The following SLC13A3 variants were observed in gnomAD, a reference collection of about 807,000 sequenced individuals.
The protein encoded by SLC13A3 is solute carrier family 13 member 3.
In SLC13A3, 40 loss-of-function variants were observed where a neutral mutation model predicts 59.0. That is an observed-to-expected ratio of 0.68 (90% confidence interval 0.53 to 0.88). The LOEUF (loss-of-function observed/expected upper bound fraction) is 0.88. Ranked by LOEUF, SLC13A3 falls within the 40% of genes least tolerant of loss-of-function variation. The probability of loss-of-function intolerance (pLI) is 0.00; values close to 1 mark genes in which losing one functional copy is unlikely to be tolerated. For missense variants in SLC13A3, 699 were observed against 783.2 expected, an observed-to-expected ratio of 0.89 and a Z score of 1.28; for synonymous variants, 317 against 330.3, an observed-to-expected ratio of 0.96 and a Z score of 0.44.
Position 46,563,526 on chromosome 20 carries a change from AG to A in SLC13A3, c.1519del (p.Leu507CysfsTer3), listed in dbSNP as rs1304724612. ...GACTGTGCCCGGAATCATCAGATAC[AG>A]GGGGTGCACTCTCAGGCGGATGGCC... ...ELAIRLRVHP[L>X]YLMIPGTVGC... is the part of the protein sequence containing the mutation. On this transcript the variant is annotated frameshift_variant, in exon 12 of 13. Transcript: ENST00000279027. LOFTEE classifies it high-confidence loss of function. The A allele has an allele frequency of 1.5e-5, 25 of 1,613,830 alleles. No individual in the cohort carries two copies. The Admixed American group carries it at 4.2e-4, about 27-fold the overall frequency.
intron 1 of SLC13A3, among the ~76,000 whole-genome samples, chr20:46,668,316 G>A (rs565165647): frequency 1.3e-5 from 2 of 152,328 alleles, no homozygotes; most frequent in East Asian, 3.9e-4. Flanking sequence ...GAAATTAAAA[G>A]TGCTACTCCA....
intron 3 of SLC13A3, among the ~76,000 whole-genome samples, chr20:46,603,334 A>T (rs67514369): frequency 0.081 from 12,342 of 152,202 alleles, 540 homozygotes; most frequent in Admixed American, 0.11. Flanking sequence ...CACAGACAAC[A>T]TCAATGCTTG....
chr20:46,588,557 T>C (rs1344701153), intron 7 of SLC13A3, among the ~76,000 whole-genome samples: 1 of 151,604 alleles, frequency 6.6e-6, no homozygotes, highest in African/African-American at 2.4e-5. Flanking sequence ...GGAGCATTCA[T>C]ACAGAGAGAG....
At chr20:46,634,161 G>A (rs1236283591) in intron 1 of SLC13A3, among the ~76,000 whole-genome samples, 1 of 152,176 alleles carries the variant, frequency 6.6e-6, no homozygotes, top group Non-Finnish European at 1.5e-5. Flanking sequence ...CCAGGCTCTG[G>A]TAGGTTCTAG....
intron 11 of SLC13A3, among the ~76,000 whole-genome samples, chr20:46,564,054 C>G (rs538036266): frequency 6.6e-6 from 1 of 152,190 alleles, no homozygotes; most frequent in Non-Finnish European, 1.5e-5. Flanking sequence ...CTGACGTGTT[C>G]CCCCGGTGCT....
chr20:46,577,967 G>A (rs1394313550), intron 9 of SLC13A3, among the ~76,000 whole-genome samples: 2 of 150,008 alleles, frequency 1.3e-5, no homozygotes, highest in Admixed American at 1.3e-4. Context: ...TTTGCCCAGA[G>A]CAAGTCCCTG....
intron 2 of SLC13A3, among the ~76,000 whole-genome samples, chr20:46,610,987 C>CCTG (rs567319876): frequency 6.2e-4 from 94 of 152,116 alleles, no homozygotes; most frequent in South Asian, 2.1e-3. Context: ...CCAGCTACTC[C>CCTG]CTGCTGCGAC....
At chr20:46,580,157 T>C (rs1321124389) in intron 9 of SLC13A3, among the ~76,000 whole-genome samples, 1 of 152,192 alleles carries the variant, frequency 6.6e-6, no homozygotes, top group African/African-American at 2.4e-5. Flanking sequence ...GGTTTCGCCA[T>C]GTTGGCCAGG....
chr20:46,647,122 G>A (rs1187730543), intron 1 of SLC13A3, among the ~76,000 whole-genome samples: 1 of 152,030 alleles, frequency 6.6e-6, no homozygotes, highest in African/African-American at 2.4e-5. Flanking sequence ...CTGTGCACCA[G>A]GGTGCACAGC....
At chr20:46,656,202 GTATA>G (rs1207543324), upstream of SLC13A3, among the ~76,000 whole-genome samples, 1 of 141,606 alleles carries the variant, frequency 7.1e-6, no homozygotes, top group Non-Finnish European at 1.5e-5. Flanking sequence ...AGACTGCACA[GTATA>G]TATAATACTG....
At chr20:46,667,510 A>G (rs1208251424) in intron 1 of SLC13A3, among the ~76,000 whole-genome samples, 1 of 152,228 alleles carries the variant, frequency 6.6e-6, no homozygotes, top group Non-Finnish European at 1.5e-5. Flanking sequence ...TATTAATATT[A>G]GCAAGCCCAT....
At chr20:46,593,889 A>G (rs1666412833) in intron 5 of SLC13A3, among the ~76,000 whole-genome samples, 1 of 152,224 alleles carries the variant, frequency 6.6e-6, no homozygotes, top group South Asian at 2.1e-4. Flanking sequence ...TAAAATATCG[A>G]CAGTGGGATT....
At chr20:46,584,516 G>A (rs2062172698) in intron 8 of SLC13A3, 1 of 984,772 alleles carries the variant, frequency 1.0e-6, no homozygotes, top group South Asian at 4.7e-5. Flanking sequence ...CACACATTTG[G>A]AAAGGAGAGT....
upstream of SLC13A3, among the ~76,000 whole-genome samples, chr20:46,674,627 G>A (rs1314321548): frequency 6.6e-6 from 1 of 151,774 alleles, no homozygotes; most frequent in Non-Finnish European, 1.5e-5. Flanking sequence ...GTGTGTGTGT[G>A]TGTGTGTGTT....
Position 46,683,491 on chromosome 20 carries a change from G to A in SLC13A3, c.-31+905C>T, listed in dbSNP as rs768765592. Among the ~76,000 whole-genome samples the A allele has an allele frequency of 1.1e-4, 16 of 152,196 alleles. No homozygotes were observed. The Middle Eastern group carries it at 0.017, about 162-fold the overall frequency. Reference sequence around the variant, plus strand: ...AATAAAAGACTGGGGTGGGGGTGCCGAGATTCATACCCTGTGCCAATGGCA... The same window carrying A: ...AATAAAAGACTGGGGTGGGGGTGCCAAGATTCATACCCTGTGCCAATGGCA... On this transcript the variant is annotated intron_variant, in intron 1 of 6. Coordinates refer to the SLC13A3 transcript ENST00000372121.
intron 1 of SLC13A3, among the ~76,000 whole-genome samples, chr20:46,641,306 G>A (rs1600602234): frequency 1.3e-5 from 2 of 152,156 alleles, no homozygotes; most frequent in East Asian, 3.9e-4. Context: ...CACCTACTAT[G>A]TGTCAGGCAC....
chr20:46,596,260 A>G lies in SLC13A3; in HGVS notation c.691T>C (p.Trp231Arg), dbSNP rs1431652395. The G allele has an allele frequency of 6.2e-7, 1 of 1,614,212 alleles. No individual in the cohort carries two copies. The highest frequency in any genetic ancestry group is 2.2e-5 in the East Asian group (1 of 44,882). The change falls in exon 5 of 13, where the codon TGG becomes CGG. Residue 231 changes from tryptophan to arginine, a missense_variant. Coordinates refer to ENST00000279027, the MANE Select transcript of SLC13A3 (RefSeq NM_022829.6). ...RKEDEYRRNI[W>R]KGFLISIPYS... Reference sequence around the variant, plus strand: ...GGGATGGAGATGAGGAAGCCCTTCCAGATGTTCCGACGATATTCATCCTCC... The same window carrying G: ...GGGATGGAGATGAGGAAGCCCTTCCGGATGTTCCGACGATATTCATCCTCC...
intron 10 of SLC13A3, among the ~76,000 whole-genome samples, chr20:46,574,844 T>TC (rs1185730948): frequency 6.6e-6 from 1 of 150,606 alleles, no homozygotes; most frequent in Non-Finnish European, 1.5e-5. Context: ...TTTTTCTTTT[T>TC]TTTTTTTCTT....
At chr20:46,610,673 A>G (rs1488584498) in intron 2 of SLC13A3, 64 bp from the exon 3 acceptor site, 7 of 1,411,290 alleles carry the variant, frequency 5.0e-6, no homozygotes, top group Non-Finnish European at 5.8e-6. Flanking sequence ...CTCTGGTCCC[A>G]GTTTGCCATC....
Sources: gnomAD v4.1 joint callset for allele counts (sites outside exome capture counted in the v4.1 genomes callset) on GRCh38, gnomAD v4.1.1 for gene constraint, MANE v1.5 for transcripts, NCBI Gene and HGNC (gene_info 2026-07-23, HGNC 2026-07-21) for gene names.